The following CNTN4 variants were observed in gnomAD, a reference collection of about 807,000 sequenced individuals.
The protein encoded by CNTN4 is contactin-4.
Under a neutral mutation model 122.5 loss-of-function variants are expected in CNTN4, and 77 were observed. The observed-to-expected ratio is 0.63, with a 90% CI of 0.52 to 0.76. The LOEUF (loss-of-function observed/expected upper bound fraction) is 0.76. Ranked by LOEUF, CNTN4 falls within the 30% of genes least tolerant of loss-of-function variation. The pLI is 0.00. For synonymous variants in CNTN4, 512 were observed against 447.0 expected (o/e 1.15, Z -1.83); for missense variants, 1,256 against 1,259.1 (o/e 1.00, Z 0.04).
chr3:2,428,735 C>G (rs1479988193), intron 3 of CNTN4, among the ~76,000 whole-genome samples: 1 of 152,176 alleles, frequency 6.6e-6, no homozygotes, highest in African/African-American at 2.4e-5. Flanking sequence ...TTGGTCTTTT[C>G]ACATAGTCCC....
intron 3 of CNTN4, among the ~76,000 whole-genome samples, chr3:2,547,734 A>G (rs2078308356): frequency 6.6e-6 from 1 of 152,012 alleles, no homozygotes; most frequent in South Asian, 2.1e-4. Context: ...AAAATTGTGA[A>G]CCTCCTTTAG....
intron 3 of CNTN4, among the ~76,000 whole-genome samples, chr3:2,403,569 A>G (rs2150983673): frequency 6.6e-6 from 1 of 152,280 alleles, no homozygotes; most frequent in East Asian, 1.9e-4. Flanking sequence ...AGCACTGAAT[A>G]ATTGTAAATC....
intron 3 of CNTN4, among the ~76,000 whole-genome samples, chr3:2,361,516 A>T (rs940465552): frequency 6.6e-6 from 1 of 152,178 alleles, no homozygotes; most frequent in South Asian, 2.1e-4. Context: ...GCTCTGTACT[A>T]TACCCTGGGG....
At chr3:2,862,327 A>G (rs1047939510) in intron 7 of CNTN4, among the ~76,000 whole-genome samples, 1 of 152,196 alleles carries the variant, frequency 6.6e-6, no homozygotes, top group Non-Finnish European at 1.5e-5. Flanking sequence ...AAATTGCTTG[A>G]TTGGTGTCTT....
intron 4 of CNTN4, among the ~76,000 whole-genome samples, chr3:2,594,309 T>C (rs2080653477): frequency 6.6e-6 from 1 of 152,200 alleles, no homozygotes; most frequent in South Asian, 2.1e-4. Context: ...TATTTATCCA[T>C]TGATTCCATG....
chr3:2,653,950 T>G (rs1012854045), intron 4 of CNTN4, among the ~76,000 whole-genome samples: 3 of 152,168 alleles, frequency 2.0e-5, no homozygotes, highest in African/African-American at 7.2e-5. Context: ...TAGAAAACAG[T>G]AAGTTTGGGA....
intron 4 of CNTN4, among the ~76,000 whole-genome samples, chr3:2,701,207 A>T (rs1449457115): frequency 6.6e-6 from 1 of 152,114 alleles, no homozygotes. Context: ...TCCTTGCCCC[A>T]CTTAGCATCT....
intron 12 of CNTN4, 92 bp downstream of exon 12, chr3:2,903,097 G>T: frequency 1.5e-6 from 2 of 1,317,922 alleles, no homozygotes; most frequent in Non-Finnish European, 2.1e-6. Flanking sequence ...TTCAATCCAA[G>T]AAAAGGAGTA....
At chr3:2,839,647 G>C (rs926058280) in intron 7 of CNTN4, among the ~76,000 whole-genome samples, 6 of 152,172 alleles carry the variant, frequency 3.9e-5, no homozygotes, top group African/African-American at 1.4e-4. Flanking sequence ...TAAGATAATA[G>C]GGGTTGGGAA....
intron 13 of CNTN4, among the ~76,000 whole-genome samples, chr3:2,979,505 G>A (rs1428871147): frequency 1.3e-5 from 2 of 151,894 alleles, no homozygotes; most frequent in Non-Finnish European, 2.9e-5. Context: ...AGCCTCCCTC[G>A]TAATGTGTAA....
intron 2 of CNTN4, among the ~76,000 whole-genome samples, chr3:2,164,555 A>G (rs2036113400): frequency 6.6e-6 from 1 of 152,240 alleles, no homozygotes; most frequent in Admixed American, 6.5e-5. Flanking sequence ...TAATGAAAAT[A>G]AAAACTTTTA....
At chr3:2,561,237 C>T (rs1467102798) in intron 3 of CNTN4, among the ~76,000 whole-genome samples, 1 of 152,122 alleles carries the variant, frequency 6.6e-6, no homozygotes, top group African/African-American at 2.4e-5. Flanking sequence ...CAGCATGCTT[C>T]ATTAACAGTC....
rs144562751 is a variant in CNTN4 at position 2,215,122 on chromosome 3, A to G, written c.-145+114483A>G. Among the ~76,000 whole-genome samples, 26 of 152,306 alleles carry G rather than the reference A, an allele frequency of 1.7e-4. No individual in the cohort carries two copies. The East Asian group carries it at 4.6e-3, about 27-fold the overall frequency. ...TATCTCTTCTTTTCTGCCTCTTCAGATGTATTAAATATTCCAAAGTGAATG... is the reference window on the plus strand; with the variant it reads ...TATCTCTTCTTTTCTGCCTCTTCAGGTGTATTAAATATTCCAAAGTGAATG... On this transcript the variant is annotated intron_variant, in intron 2 of 24. Transcript: ENST00000418658.
chr3:2,272,639 G>C (rs1399411743), intron 2 of CNTN4, among the ~76,000 whole-genome samples: 1 of 152,090 alleles, frequency 6.6e-6, no homozygotes, highest in East Asian at 1.9e-4. Context: ...ACTCTCATTT[G>C]ATTATTGAGG....
At chr3:2,765,685 C>T (rs1039563444) in intron 6 of CNTN4, among the ~76,000 whole-genome samples, 13 of 152,112 alleles carry the variant, frequency 8.5e-5, no homozygotes, top group Non-Finnish European at 1.6e-4. Context: ...GTTCCTCTGT[C>T]GTCTTTGTTT....
rs1159863001 is a variant in CNTN4, at chr3:2,481,431, G to A, written c.-88-89985G>A. Reference sequence around the variant, plus strand: ...GCTGGGATTACAGGTGTGAGCCACTGTGCCCAGCCAAGATAGTCTTTTCAA... The same window carrying A: ...GCTGGGATTACAGGTGTGAGCCACTATGCCCAGCCAAGATAGTCTTTTCAA... On this transcript the variant is annotated intron_variant, in intron 3 of 24. Transcript: ENST00000418658. Among the ~76,000 whole-genome samples, 3 of 152,042 alleles carry A rather than the reference G, an allele frequency of 2.0e-5. No individual in the cohort carries two copies. In the East Asian group the frequency reaches 5.8e-4, roughly 29 times the overall value.
chr3:2,442,677 G>A (rs1234080146), intron 3 of CNTN4, among the ~76,000 whole-genome samples: 5 of 151,960 alleles, frequency 3.3e-5, no homozygotes, highest in Admixed American at 3.3e-4. Flanking sequence ...TCAGCATAAT[G>A]ATTAGTTTTA....
Position 2,745,653 on chromosome 3 carries a change from C to G in CNTN4, c.314C>G (p.Ser105Trp). 1.9e-6 allele frequency: 3 copies of G among 1,614,060 alleles called. No homozygotes were observed. The highest frequency in any genetic ancestry group is 2.5e-6 in the Non-Finnish European group (3 of 1,179,946). Reference protein sequence around the residue: ...AGTYQCTATNSFGTIVSREAK... With the variant: ...AGTYQCTATNWFGTIVSREAK... ...ACGTACCAGTGCACAGCGACAAACT[C>G]GTTTGGAACAATTGTTAGCAGAGAA... The change falls in exon 6 of 25, where the codon TCG (serine) becomes TGG (tryptophan). Residue 105 changes from serine to tryptophan, a missense_variant. Transcript: ENST00000418658.
At chr3:3,024,402 A>C (rs966641064) in intron 14 of CNTN4, among the ~76,000 whole-genome samples, 3 of 150,082 alleles carry the variant, frequency 2.0e-5, no homozygotes, top group Admixed American at 6.6e-5. Context: ...AAAAAAAAAA[A>C]AAAAAACAAC....
Sources: gnomAD v4.1 joint callset for allele counts (sites outside exome capture counted in the v4.1 genomes callset) on GRCh38, gnomAD v4.1.1 for gene constraint, MANE v1.5 for transcripts, NCBI Gene and HGNC (gene_info 2026-07-23, HGNC 2026-07-21) for gene names.